CCDC178: variants seen among roughly 807,000 people sequenced by gnomAD.
The protein encoded by CCDC178 is coiled-coil domain containing 178, also known as coiled-coil domain-containing protein 178.
In CCDC178, 126 loss-of-function variants were observed where a neutral mutation model predicts 117.4. The ratio of observed to expected loss-of-function variants is 1.07; its 90% CI spans 0.93 to 1.24. The LOEUF is 1.24. CCDC178 is among the 50% of genes most tolerant of loss of function. The probability of loss-of-function intolerance (pLI) is 0.00; values close to 1 mark genes in which losing one functional copy is unlikely to be tolerated. For synonymous variants in CCDC178, 283 were observed against 313.4 expected (o/e 0.90, Z 1.02); for missense variants, 1,030 against 986.9 (o/e 1.04, Z -0.59).
chr18:32,985,815 A>G (rs1166965481), intron 21 of CCDC178, among the ~76,000 whole-genome samples: 1 of 152,070 alleles, frequency 6.6e-6, no homozygotes, highest in Admixed American at 6.5e-5. Flanking sequence ...AGGAAGGATC[A>G]CTGGATATTT....
At chr18:32,997,093 G>A (rs2055527945) in intron 21 of CCDC178, among the ~76,000 whole-genome samples, 1 of 152,020 alleles carries the variant, frequency 6.6e-6, no homozygotes, top group African/African-American at 2.4e-5. Flanking sequence ...TTGAATTTAA[G>A]TTATCATCCC....
chr18:33,411,980 C>T, intron 3 of CCDC178, 51 bp downstream of exon 3: 1 of 959,592 alleles, frequency 1.0e-6, no homozygotes, highest in Admixed American at 2.2e-5. Context: ...GATGTGAATT[C>T]CATTTATCTA....
At chr18:33,370,890 G>A (rs2063287888) in intron 5 of CCDC178, among the ~76,000 whole-genome samples, 2 of 151,984 alleles carry the variant, frequency 1.3e-5, no homozygotes, top group Non-Finnish European at 2.9e-5. Flanking sequence ...CAGCAAAGTT[G>A]TCCATGAAAC....
chr18:33,347,052 A>G (rs1290182862), intron 8 of CCDC178, among the ~76,000 whole-genome samples: 1 of 152,168 alleles, frequency 6.6e-6, no homozygotes, highest in African/African-American at 2.4e-5. Flanking sequence ...CATTTATGAA[A>G]TAAATGTGTA....
At chr18:33,220,424 GC>G (rs1328512822) in intron 18 of CCDC178, among the ~76,000 whole-genome samples, 1 of 151,990 alleles carries the variant, frequency 6.6e-6, no homozygotes, top group Non-Finnish European at 1.5e-5. Flanking sequence ...TGACTCCAAA[GC>G]CTTTACTATT....
At chr18:32,978,530 T>C (rs1156422512) in intron 21 of CCDC178, among the ~76,000 whole-genome samples, 4 of 152,202 alleles carry the variant, frequency 2.6e-5, no homozygotes, top group Non-Finnish European at 5.9e-5. Flanking sequence ...TTTATTAAAA[T>C]GGACCCAACT....
chr18:33,340,057 T>C (rs1037241382), intron 9 of CCDC178, among the ~76,000 whole-genome samples: 2 of 152,160 alleles, frequency 1.3e-5, no homozygotes, highest in Non-Finnish European at 2.9e-5. Flanking sequence ...TGGGAAAGTT[T>C]GGAACCCCCT....
intron 20 of CCDC178, among the ~76,000 whole-genome samples, chr18:33,146,731 T>C (rs1005658037): frequency 3.3e-5 from 5 of 152,174 alleles, no homozygotes; most frequent in African/African-American, 1.2e-4. Context: ...GTCTCTGGTA[T>C]GACACTTTCT....
chr18:32,979,569 G>T (rs543209910), intron 21 of CCDC178, among the ~76,000 whole-genome samples: 47 of 152,278 alleles, frequency 3.1e-4, no homozygotes, highest in African/African-American at 1.1e-3. Flanking sequence ...AAATGGGCAA[G>T]ATTTTATAAA....
chr18:33,008,780 T>C (rs574216170), intron 21 of CCDC178, among the ~76,000 whole-genome samples: 8 of 152,188 alleles, frequency 5.3e-5, no homozygotes, highest in African/African-American at 1.9e-4. Context: ...ATCCTGAGAT[T>C]ACCTCATTTA....
chr18:32,983,208 T>C, intron 21 of CCDC178: 1 of 851,160 alleles, frequency 1.2e-6, no homozygotes, highest in South Asian at 1.5e-5. Context: ...GGTGACAATG[T>C]GTGACACTTG....
At chr18:33,345,969 A>G (rs2062886806) in intron 9 of CCDC178, among the ~76,000 whole-genome samples, 1 of 152,098 alleles carries the variant, frequency 6.6e-6, no homozygotes, top group Non-Finnish European at 1.5e-5. Flanking sequence ...TTGAGACTAC[A>G]GGCGAGCACC....
chr18:33,192,453 T>C (rs923795377), intron 20 of CCDC178, among the ~76,000 whole-genome samples: 4 of 152,098 alleles, frequency 2.6e-5, no homozygotes, highest in African/African-American at 9.7e-5. Context: ...AAAAAATACA[T>C]GATGTGGACA....
At chr18:33,426,576 C>T (rs2064128251) in intron 2 of CCDC178, among the ~76,000 whole-genome samples, 1 of 152,160 alleles carries the variant, frequency 6.6e-6, no homozygotes. Context: ...TCCATGAAGC[C>T]ATTCCTTTGC....
chr18:33,376,985 T>G (rs981698031), intron 5 of CCDC178, among the ~76,000 whole-genome samples: 4 of 152,208 alleles, frequency 2.6e-5, no homozygotes, highest in African/African-American at 9.6e-5. Flanking sequence ...GATTGCTGGG[T>G]TGAATGCTAG....
At chr18:33,172,448 A>G (rs1366016870) in intron 20 of CCDC178, among the ~76,000 whole-genome samples, 2 of 152,192 alleles carry the variant, frequency 1.3e-5, no homozygotes, top group South Asian at 4.1e-4. Flanking sequence ...AACAAAAAAT[A>G]CTTAAAGATA....
At chr18:32,995,553 C>A (rs775753653) in intron 21 of CCDC178, among the ~76,000 whole-genome samples, 5 of 151,946 alleles carry the variant, frequency 3.3e-5, no homozygotes, top group Non-Finnish European at 1.5e-5. Flanking sequence ...TATTGTGGTA[C>A]CCTATAAAAT....
intron 21 of CCDC178, among the ~76,000 whole-genome samples, chr18:33,078,918 AG>A: frequency 6.6e-6 from 1 of 152,296 alleles, no homozygotes; most frequent in Admixed American, 6.5e-5. Flanking sequence ...TCACAGAACC[AG>A]GAAAAACTAT....
intron 20 of CCDC178, among the ~76,000 whole-genome samples, chr18:33,118,234 A>G (rs1567999460): frequency 2.6e-5 from 4 of 152,018 alleles, no homozygotes; most frequent in African/African-American, 9.7e-5. Context: ...CTAGGTGGCA[A>G]TGCCTCCTAG....
Sources: allele counts gnomAD v4.1 joint callset (sites outside exome capture counted in the v4.1 genomes callset), GRCh38; gene constraint gnomAD v4.1.1; transcripts MANE v1.5; gene names NCBI Gene and HGNC (gene_info 2026-07-23, HGNC 2026-07-21).